Variants in FAM13C observed in about 807,000 individuals in gnomAD.
FAM13C encodes the protein protein FAM13C.
Under a neutral mutation model 73.2 loss-of-function variants are expected in FAM13C, and 37 were observed. The observed-to-expected ratio is 0.51, with a 90% CI of 0.39 to 0.67. The LOEUF (loss-of-function observed/expected upper bound fraction) is 0.67. FAM13C is among the 30% of genes least tolerant of loss of function. The pLI is 0.00. For synonymous variants in FAM13C, 246 were observed against 260.9 expected (o/e 0.94, Z 0.55); for missense variants, 589 against 715.6 (o/e 0.82, Z 2.02).
rs1564467881 is a variant in FAM13C, at chr10:59,247,710, T to C, written c.1662A>G (p.Pro554=). Residue 554 remains proline (P), a synonymous_variant, in exon 14 of 14, where the codon CCA becomes CCG. Coordinates refer to ENST00000618804, the MANE Select transcript of FAM13C (RefSeq NM_198215.4). ...GRSPQKEDRI[P]MADEYYEYKH... The stretch of plus-strand genomic sequence containing the variant: ...TATATTCATAATACTCATCTGCCAT[T>C]GGTATCCTATCTTCCTTTTGTGGAC... The C allele has an allele frequency of 1.2e-6, 2 of 1,613,010 alleles. No individual in the cohort carries two copies. Among genetic ancestry groups the C allele is most frequent in the Middle Eastern group, 1.7e-4 (1 of 6,054 alleles).
At position 59,324,055 on chromosome 10, in the gene FAM13C, T is replaced by C; in HGVS notation, c.376A>G (p.Thr126Ala). Reference sequence around the variant, plus strand: ...TTTTGTGGACTCTCATGAGCTGGTGTTCCTGCTCTCACCTGACACTCTGAC... The same window carrying C: ...TTTTGTGGACTCTCATGAGCTGGTGCTCCTGCTCTCACCTGACACTCTGAC... ...SQSECQVRAG[T>A]PAHESPQNNA... Residue 126 changes from threonine (T) to alanine (A), a missense_variant, in exon 4 of 14, where the codon ACA becomes GCA. Coordinates refer to ENST00000618804, the MANE Select transcript of FAM13C (RefSeq NM_198215.4). 3 of 1,614,106 alleles carry C rather than the reference T, an allele frequency of 1.9e-6. No individual in the cohort carries two copies. The highest frequency in any genetic ancestry group is 2.5e-6 in the Non-Finnish European group (3 of 1,179,980).
intron 5 of FAM13C, among the ~76,000 whole-genome samples, chr10:59,285,190 G>A (rs941924625): frequency 6.6e-6 from 1 of 152,180 alleles, no homozygotes; most frequent in African/African-American, 2.4e-5. Flanking sequence ...AGAGCTCAGC[G>A]GCTGCTGTCT....
Position 59,253,001 on chromosome 10 carries a change from T to TA in FAM13C, c.1333-4dup. ...TCATCAGAGTCCTCTTCCTCCTGCT[T>TA]ATCACAGGCAGAGTTAAAGAAAGAA... On this transcript the variant is annotated splice_region_variant and splice_polypyrimidine_tract_variant and intron_variant, in intron 11 of 13. Coordinates refer to ENST00000618804, the MANE Select transcript of FAM13C (RefSeq NM_198215.4). 1 of 1,613,152 alleles carries TA rather than the reference T, an allele frequency of 6.2e-7. No homozygotes were observed. The highest frequency in any genetic ancestry group is 8.5e-7 in the Non-Finnish European group (1 of 1,179,852).
At position 59,283,046 on chromosome 10, in the gene FAM13C, A is replaced by G. The variant is rs557360406; in HGVS notation, c.592+317T>C. The stretch of plus-strand genomic sequence containing the variant: ...CTAGGTCCAGTAATATAAAATAAGC[A>G]TAGCACTCATTTGTCCCAGGAGACC... On this transcript the variant is annotated intron_variant, in intron 6 of 13. Coordinates refer to ENST00000618804, the MANE Select transcript of FAM13C (RefSeq NM_198215.4). 1.5e-4 allele frequency among the ~76,000 whole-genome samples: 23 copies of G among 152,332 alleles called. No individual in the cohort carries two copies. The South Asian group carries it at 4.6e-3, about 30-fold the overall frequency.
At chr10:59,297,978 G>T (rs180985950) in intron 5 of FAM13C, among the ~76,000 whole-genome samples, 3 of 151,950 alleles carry the variant, frequency 2.0e-5, no homozygotes, top group Non-Finnish European at 4.4e-5. Flanking sequence ...TGAAATCCCC[G>T]CCATTGGAGG....
chr10:59,257,723 T>G (rs913196794), intron 10 of FAM13C, among the ~76,000 whole-genome samples: 1 of 152,162 alleles, frequency 6.6e-6, no homozygotes, highest in African/African-American at 2.4e-5. Context: ...CTGGATATTA[T>G]CATAGAAAGC....
At chr10:59,308,153 C>T (rs1848468354) in intron 4 of FAM13C, among the ~76,000 whole-genome samples, 1 of 152,046 alleles carries the variant, frequency 6.6e-6, no homozygotes, top group African/African-American at 2.4e-5. Flanking sequence ...TAAAGGGGAC[C>T]AAAATGAGTC....
intron 4 of FAM13C, among the ~76,000 whole-genome samples, chr10:59,313,077 AG>A (rs551275182): frequency 1.1e-4 from 16 of 152,298 alleles, no homozygotes; most frequent in Middle Eastern, 3.4e-3. Context: ...TAGGCCAGTT[AG>A]TTCCTTTCTC....
chr10:59,318,235 T>G (rs1418369711), intron 4 of FAM13C, among the ~76,000 whole-genome samples: 1 of 151,502 alleles, frequency 6.6e-6, no homozygotes, highest in Non-Finnish European at 1.5e-5. Context: ...TCAGTGAAAG[T>G]GCTAACAATT....
intron 4 of FAM13C, among the ~76,000 whole-genome samples, chr10:59,315,354 T>C (rs1006828593): frequency 1.3e-5 from 2 of 152,360 alleles, no homozygotes; most frequent in East Asian, 3.9e-4. Flanking sequence ...GTTATGTAAC[T>C]GCTTTTTTCC....
chr10:59,353,234 C>T (rs980017121), intron 2 of FAM13C, among the ~76,000 whole-genome samples: 2 of 152,176 alleles, frequency 1.3e-5, no homozygotes, highest in African/African-American at 4.8e-5. Context: ...CCCTACCCCC[C>T]TCCAGTTACA....
chr10:59,344,936 CTCT>C (rs1014586315), intron 3 of FAM13C, among the ~76,000 whole-genome samples: 8 of 152,310 alleles, frequency 5.3e-5, no homozygotes, highest in African/African-American at 1.7e-4. Flanking sequence ...CCCATGGACG[CTCT>C]TCTTCTCTCT....
At chr10:59,330,448 A>G (rs557290411) in intron 3 of FAM13C, among the ~76,000 whole-genome samples, 3 of 152,306 alleles carry the variant, frequency 2.0e-5, no homozygotes, top group South Asian at 4.1e-4. Context: ...ACACAAGAGT[A>G]AAAAAGAGAG....
chr10:59,249,036 C>CTAAT, intron 13 of FAM13C, among the ~76,000 whole-genome samples: 1 of 152,092 alleles, frequency 6.6e-6, no homozygotes, highest in East Asian at 1.9e-4. Flanking sequence ...AAGAAATTGT[C>CTAAT]TAATTATTAC....
intron 3 of FAM13C, among the ~76,000 whole-genome samples, chr10:59,340,568 T>G (rs932382973): frequency 2.6e-5 from 4 of 152,150 alleles, no homozygotes; most frequent in African/African-American, 9.7e-5. Context: ...AACCAACTGC[T>G]GAGTCCCTAT....
At chr10:59,350,875 C>T (rs1247444534) in intron 3 of FAM13C, among the ~76,000 whole-genome samples, 1 of 152,168 alleles carries the variant, frequency 6.6e-6, no homozygotes, top group Admixed American at 6.5e-5. Context: ...AAGCCTCCCA[C>T]ATTATTTTTA....
Position 59,246,358 on chromosome 10 carries a change from T to C in FAM13C, c.*1256A>G, listed in dbSNP as rs572843516. 1.2e-4 allele frequency: 31 copies of C among 249,740 alleles called. No homozygotes were observed. The South Asian group carries it at 1.8e-3, about 14-fold the overall frequency. 15.5% of individuals were successfully genotyped at this position (249,740 alleles called of 1,614,324 possible). A position where few individuals can be genotyped will look rare whatever the true frequency, so the allele number is the denominator to read the frequency against. The stretch of plus-strand genomic sequence containing the variant: ...ACATTATTCTGATTCATAAAAGTTA[T>C]AAAATATTAGGTAAATACAGAGAAA... On this transcript the variant is annotated 3_prime_UTR_variant, in exon 14 of 14. Transcript: ENST00000618804.
chr10:59,255,630 C>G (rs958926902), intron 10 of FAM13C, among the ~76,000 whole-genome samples: 2 of 152,106 alleles, frequency 1.3e-5, no homozygotes, highest in African/African-American at 4.8e-5. Flanking sequence ...ACCCAGGCAT[C>G]TTTTATCAAA....
chr10:59,309,261 C>G (rs180971778), intron 4 of FAM13C, among the ~76,000 whole-genome samples: 3 of 152,154 alleles, frequency 2.0e-5, no homozygotes, highest in African/African-American at 7.2e-5. Flanking sequence ...GGCCAAGCCA[C>G]CAGCACCTCT....
Sources: allele counts gnomAD v4.1 joint callset (sites outside exome capture counted in the v4.1 genomes callset), GRCh38; gene constraint gnomAD v4.1.1; transcripts MANE v1.5; gene names NCBI Gene and HGNC (gene_info 2026-07-23, HGNC 2026-07-21).